Variants in DLGAP2 observed in about 807,000 individuals in gnomAD.
The protein encoded by DLGAP2 is DLG associated protein 2.
Under a neutral mutation model 100.3 loss-of-function variants are expected in DLGAP2, and 26 were observed. That is an observed-to-expected ratio of 0.26 (90% CI 0.19 to 0.36). The LOEUF (loss-of-function observed/expected upper bound fraction) is 0.36. Among genes scored for constraint, DLGAP2 ranks in the 10% least tolerant of loss-of-function variants. The pLI, the probability that DLGAP2 is intolerant of heterozygous loss-of-function variation, is 1.00. For missense variants in DLGAP2, 1,858 were observed against 1,453.2 expected (o/e 1.28, Z -4.53); for synonymous variants, 886 against 630.1 (o/e 1.41, Z -6.08).
At chr8:1,458,001 T>C (rs1279708688) in intron 3 of DLGAP2, among the ~76,000 whole-genome samples, 2 of 136,436 alleles carry the variant, frequency 1.5e-5, no homozygotes, top group East Asian at 2.0e-4. Flanking sequence ...TATATATATA[T>C]ATATATATAT....
intron 5 of DLGAP2, among the ~76,000 whole-genome samples, chr8:1,552,001 ATTTT>A (rs962700033): frequency 6.6e-6 from 1 of 151,320 alleles, no homozygotes; most frequent in African/African-American, 2.4e-5. Flanking sequence ...CTCCCCCTAG[ATTTT>A]TTTTGTTTGG....
intron 12 of DLGAP2, among the ~76,000 whole-genome samples, chr8:1,680,283 C>G (rs763916671): frequency 1.3e-5 from 2 of 152,218 alleles, no homozygotes; most frequent in African/African-American, 4.8e-5. Context: ...TTGTCCCTGA[C>G]ATTTCATTTC....
intron 1 of DLGAP2, among the ~76,000 whole-genome samples, chr8:780,340 C>T (rs1449692820): frequency 1.3e-5 from 2 of 152,184 alleles, no homozygotes; most frequent in South Asian, 2.1e-4. Flanking sequence ...CTTTTAAAGC[C>T]AACTGGCATT....
At chr8:1,623,068 A>G (rs1797389117) in intron 6 of DLGAP2, among the ~76,000 whole-genome samples, 1 of 152,206 alleles carries the variant, frequency 6.6e-6, no homozygotes, top group Non-Finnish European at 1.5e-5. Context: ...AAGCCATTAT[A>G]ATATTTTTTA....
chr8:1,511,960 C>A (rs1484252602), intron 4 of DLGAP2, among the ~76,000 whole-genome samples: 2 of 152,250 alleles, frequency 1.3e-5, no homozygotes, highest in Non-Finnish European at 2.9e-5. Flanking sequence ...CACTTTCTAC[C>A]ACCACTCGGG....
At chr8:1,671,167 T>C (rs1200312402) in intron 10 of DLGAP2, among the ~76,000 whole-genome samples, 1 of 152,196 alleles carries the variant, frequency 6.6e-6, no homozygotes, top group African/African-American at 2.4e-5. Context: ...GACTGGAGCC[T>C]GCACTCCACT....
At chr8:1,353,592 G>T (rs1015255954) in intron 3 of DLGAP2, among the ~76,000 whole-genome samples, 1 of 152,142 alleles carries the variant, frequency 6.6e-6, no homozygotes, top group Non-Finnish European at 1.5e-5. Context: ...TTCCATTTAA[G>T]ATGGTTTGTC....
At chr8:883,798 A>G (rs376370491) in intron 1 of DLGAP2, among the ~76,000 whole-genome samples, 80 of 152,124 alleles carry the variant, frequency 5.3e-4, no homozygotes, top group African/African-American at 1.9e-3. Flanking sequence ...CCCACTCCCT[A>G]ACTCGCAACA....
intron 2 of DLGAP2, among the ~76,000 whole-genome samples, chr8:1,110,666 C>T (rs934966659): frequency 1.3e-5 from 2 of 151,538 alleles, no homozygotes; most frequent in East Asian, 3.9e-4. Flanking sequence ...ATGAGAAACC[C>T]AAACATCTGC....
chr8:1,592,794 A>T (rs2130677331), intron 6 of DLGAP2, among the ~76,000 whole-genome samples: 1 of 152,282 alleles, frequency 6.6e-6, no homozygotes, highest in African/African-American at 2.4e-5. Flanking sequence ...TTATTATCCC[A>T]CAGTAATTGT....
At chr8:1,676,691 T>G in intron 11 of DLGAP2, 73 bp downstream of exon 11, 4 of 1,453,618 alleles carry the variant, frequency 2.8e-6, no homozygotes, top group Non-Finnish European at 1.9e-6. Flanking sequence ...TGGAAGCTCC[T>G]AGATCCTGCC....
chr8:1,136,240 C>T (rs978986798), intron 2 of DLGAP2, among the ~76,000 whole-genome samples: 1 of 152,086 alleles, frequency 6.6e-6, no homozygotes, highest in African/African-American at 2.4e-5. Context: ...TTGGGTTGAC[C>T]TCACACCTGG....
intron 2 of DLGAP2, among the ~76,000 whole-genome samples, chr8:1,031,487 G>A (rs1285010901): frequency 6.6e-6 from 1 of 151,998 alleles, no homozygotes; most frequent in Non-Finnish European, 1.5e-5. Context: ...TCACAGCTCA[G>A]TACAGCCTCA....
intron 3 of DLGAP2, among the ~76,000 whole-genome samples, chr8:1,267,803 C>T (rs1031341045): frequency 1.3e-5 from 2 of 151,928 alleles, no homozygotes; most frequent in Admixed American, 6.6e-5. Context: ...GTTTGTCCCA[C>T]GCTGAGCTCA....
chr8:1,303,430 AAGG>A (rs1800412600), intron 3 of DLGAP2, among the ~76,000 whole-genome samples: 2 of 149,168 alleles, frequency 1.3e-5, no homozygotes, highest in Middle Eastern at 3.6e-3. Flanking sequence ...AAAAAAAAGG[AAGG>A]AGAAGAGGAG....
chr8:1,588,416 G>C (rs1796190567), intron 6 of DLGAP2, among the ~76,000 whole-genome samples: 1 of 152,162 alleles, frequency 6.6e-6, no homozygotes, highest in Non-Finnish European at 1.5e-5. Flanking sequence ...TTACTAAACA[G>C]CTCATCTTAT....
chr8:1,694,660 G>T (rs550189975), intron 13 of DLGAP2, among the ~76,000 whole-genome samples: 3 of 152,094 alleles, frequency 2.0e-5, no homozygotes, highest in African/African-American at 7.2e-5. Flanking sequence ...ATCCAACCCC[G>T]GGGGGTGTGT....
chr8:1,440,795 C>T (rs1254764384), intron 3 of DLGAP2, among the ~76,000 whole-genome samples: 2 of 152,176 alleles, frequency 1.3e-5, no homozygotes, highest in Non-Finnish European at 2.9e-5. Flanking sequence ...GGGCACTGCC[C>T]AGCTTATGAG....
Position 769,106 on chromosome 8 carries a change from A to G in DLGAP2, c.18+31281A>G, listed in dbSNP as rs35005567. Among the ~76,000 whole-genome samples the G allele has an allele frequency of 7.7e-3, 1,180 of 152,262 alleles. 4 individuals are homozygous for G. The highest frequency in any genetic ancestry group is 0.017 in the South Asian group (83 of 4,818). On this transcript the variant is annotated intron_variant, in intron 1 of 14. Transcript: ENST00000637795. ...AAGCAGGTGGTCTGTCAGACTAGCA[A>G]TAGTGAGTGTGAGCAGCTCGGATCT...
Sources: gnomAD v4.1 joint callset for allele counts (sites outside exome capture counted in the v4.1 genomes callset) on GRCh38, gnomAD v4.1.1 for gene constraint, MANE v1.5 for transcripts, NCBI Gene and HGNC (gene_info 2026-07-23, HGNC 2026-07-21) for gene names.